The following LRRTM4 variants were observed in gnomAD, a reference collection of about 807,000 sequenced individuals.
LRRTM4 encodes leucine-rich repeat transmembrane neuronal protein 4.
A neutral mutation model predicts 47.6 loss-of-function variants in LRRTM4; 25 were observed. The ratio of observed to expected loss-of-function variants is 0.53; its 90% CI spans 0.38 to 0.73. The LOEUF (loss-of-function observed/expected upper bound fraction) is 0.73. Among genes scored for constraint, LRRTM4 ranks in the 30% least tolerant of loss-of-function variants. LRRTM4 has a pLI of 0.00. For missense variants in LRRTM4, 638 were observed against 713.4 expected, an observed-to-expected ratio of 0.89 and a Z score of 1.20; for synonymous variants, 311 against 269.5, an observed-to-expected ratio of 1.15 and a Z score of -1.51.
intron 3 of LRRTM4, among the ~76,000 whole-genome samples, chr2:77,364,483 G>A (rs940562666): frequency 3.3e-5 from 5 of 152,102 alleles, no homozygotes; most frequent in East Asian, 1.9e-4. Context: ...TATTTTAAAG[G>A]GACAACTCTC....
intron 3 of LRRTM4, among the ~76,000 whole-genome samples, chr2:77,217,028 G>A (rs1045787787): frequency 1.1e-4 from 17 of 149,934 alleles, no homozygotes; most frequent in African/African-American, 4.2e-4. Context: ...AGCCGAGATT[G>A]CGCCACTGCA....
chr2:76,880,475 T>C (rs913936918), intron 3 of LRRTM4, among the ~76,000 whole-genome samples: 2 of 152,194 alleles, frequency 1.3e-5, no homozygotes, highest in Admixed American at 6.5e-5. Flanking sequence ...TATTATGTAC[T>C]TGGTAAACTA....
intron 3 of LRRTM4, among the ~76,000 whole-genome samples, chr2:77,205,737 T>C (rs776552149): frequency 6.6e-6 from 1 of 152,214 alleles, no homozygotes; most frequent in Non-Finnish European, 1.5e-5. Context: ...CGAAAAATCA[T>C]GACTATCATG....
intron 3 of LRRTM4, among the ~76,000 whole-genome samples, chr2:77,512,556 T>C (rs1679061017): frequency 6.6e-6 from 1 of 152,164 alleles, no homozygotes; most frequent in African/African-American, 2.4e-5. Flanking sequence ...TGTCTAGTGA[T>C]ATACAGGTTG....
chr2:77,176,644 G>A (rs1673205585), intron 3 of LRRTM4, among the ~76,000 whole-genome samples: 1 of 152,158 alleles, frequency 6.6e-6, no homozygotes, highest in East Asian at 1.9e-4. Flanking sequence ...TTTTGCAGTT[G>A]GATTGTCAGG....
chr2:77,474,455 C>T (rs932597199), intron 3 of LRRTM4, among the ~76,000 whole-genome samples: 2 of 151,920 alleles, frequency 1.3e-5, no homozygotes, highest in Admixed American at 6.6e-5. Context: ...CCACAGAAAC[C>T]TATTTCAGTG....
At chr2:76,911,816 T>TTG (rs1326893611) in intron 3 of LRRTM4, among the ~76,000 whole-genome samples, 1 of 151,494 alleles carries the variant, frequency 6.6e-6, no homozygotes, top group African/African-American at 2.4e-5. Flanking sequence ...AAACAGTGAT[T>TTG]TGTGTGTGTG....
chr2:76,889,415 A>T (rs1673180304), intron 3 of LRRTM4, among the ~76,000 whole-genome samples: 1 of 151,946 alleles, frequency 6.6e-6, no homozygotes, highest in Non-Finnish European at 1.5e-5. Flanking sequence ...CTTTCTTGAA[A>T]TATGTCTTTC....
rs185012061 is a variant in LRRTM4 at position 77,021,568 on chromosome 2, G to A, written c.1552-272652C>T. On this transcript the variant is annotated intron_variant, in intron 3 of 3. Coordinates refer to ENST00000409884, the MANE Select transcript of LRRTM4 (RefSeq NM_001134745.3). ...TCAGTTGGCATTTTGTGAAGAAAAGGTCACACTATTTGTACTATATGTGAA... is the reference window on the plus strand; with the variant it reads ...TCAGTTGGCATTTTGTGAAGAAAAGATCACACTATTTGTACTATATGTGAA... Among the ~76,000 whole-genome samples the A allele has an allele frequency of 7.9e-5, 12 of 152,202 alleles. No homozygotes were observed. In the East Asian group the frequency reaches 2.3e-3, roughly 29 times the overall value.
chr2:77,007,293 A>G (rs1465940850), intron 3 of LRRTM4, among the ~76,000 whole-genome samples: 3 of 152,128 alleles, frequency 2.0e-5, no homozygotes, highest in Non-Finnish European at 4.4e-5. Context: ...AGAGGAAGCA[A>G]TCATCAAGGC....
chr2:76,978,159 TA>T (rs928432056), intron 3 of LRRTM4, among the ~76,000 whole-genome samples: 67 of 152,108 alleles, frequency 4.4e-4, no homozygotes, highest in African/African-American at 1.6e-3. Context: ...CTTCCCATAC[TA>T]TTCTCCCCCT....
intron 3 of LRRTM4, among the ~76,000 whole-genome samples, chr2:76,935,046 C>A (rs529048599): frequency 2.0e-5 from 3 of 151,474 alleles, no homozygotes; most frequent in Non-Finnish European, 4.4e-5. Flanking sequence ...AGTATCATTT[C>A]ACCAAAAAGA....
intron 3 of LRRTM4, among the ~76,000 whole-genome samples, chr2:77,496,469 A>G (rs1364505788): frequency 1.3e-5 from 2 of 151,768 alleles, no homozygotes; most frequent in East Asian, 3.9e-4. Flanking sequence ...CTTTTCACAG[A>G]AGGTTTTCTT....
intron 3 of LRRTM4, among the ~76,000 whole-genome samples, chr2:77,417,744 C>T (rs1031863687): frequency 3.4e-5 from 5 of 148,878 alleles, no homozygotes. Flanking sequence ...AGGGGAACAT[C>T]ACACACTGGG....
chr2:76,928,781 G>A (rs559874089), intron 3 of LRRTM4, among the ~76,000 whole-genome samples: 1 of 151,990 alleles, frequency 6.6e-6, no homozygotes, highest in Non-Finnish European at 1.5e-5. Flanking sequence ...TACATAATTT[G>A]TGAGAATTTC....
intron 3 of LRRTM4, among the ~76,000 whole-genome samples, chr2:77,019,335 C>G (rs1473862863): frequency 6.6e-6 from 1 of 150,976 alleles, no homozygotes; most frequent in Non-Finnish European, 1.5e-5. Context: ...CATTGTTAAG[C>G]CCTGGAAGGC....
At chr2:76,791,117 G>T (rs1395922824) in intron 3 of LRRTM4, among the ~76,000 whole-genome samples, 1 of 152,104 alleles carries the variant, frequency 6.6e-6, no homozygotes. Flanking sequence ...CTTGAATCTT[G>T]CTGTGACATA....
intron 3 of LRRTM4, among the ~76,000 whole-genome samples, chr2:76,955,316 A>G (rs1204268494): frequency 1.3e-5 from 2 of 151,896 alleles, no homozygotes; most frequent in Non-Finnish European, 2.9e-5. Flanking sequence ...GACTTGTGAC[A>G]TCAATGTAAA....
chr2:77,036,168 A>G (rs1678829043), intron 3 of LRRTM4, among the ~76,000 whole-genome samples: 1 of 151,866 alleles, frequency 6.6e-6, no homozygotes, highest in African/African-American at 2.4e-5. Context: ...GGAAAGCATT[A>G]TGGTGGAATG....
Sources: gnomAD v4.1 joint callset for allele counts (sites outside exome capture counted in the v4.1 genomes callset) on GRCh38, gnomAD v4.1.1 for gene constraint, MANE v1.5 for transcripts, NCBI Gene and HGNC (gene_info 2026-07-23, HGNC 2026-07-21) for gene names.